Variants in BLTP3A observed in about 807,000 individuals in gnomAD.
BLTP3A encodes the protein ICBP90 binding protein 1.
the BLTP3A span, chr6:34,856,263 G>T: frequency 6.2e-7 from 1 of 1,613,980 alleles, no homozygotes; most frequent in East Asian, 2.2e-5. Flanking sequence ...CATTGGGTAC[G>T]CCACTGTGAG....
chr6:34,821,229 T>C, the BLTP3A span, among the ~76,000 whole-genome samples: 15 of 152,216 alleles, frequency 9.9e-5, no homozygotes, highest in African/African-American at 3.6e-4. Flanking sequence ...GTGCTGGGAT[T>C]ACAGGCGTGA....
the BLTP3A span, chr6:34,855,600 G>C: frequency 6.2e-7 from 1 of 1,612,300 alleles, no homozygotes. Flanking sequence ...CCATTCACCT[G>C]TATTTTTATT....
the BLTP3A span, chr6:34,821,698 G>A: frequency 6.2e-7 from 1 of 1,614,180 alleles, no homozygotes; most frequent in Admixed American, 1.7e-5. Context: ...TGAGCACCCT[G>A]AAAGGGGAGG....
At chr6:34,797,548 C>G in the BLTP3A span, among the ~76,000 whole-genome samples, 1 of 152,150 alleles carries the variant, frequency 6.6e-6, no homozygotes, top group Non-Finnish European at 1.5e-5. Flanking sequence ...GGAAGCTTGT[C>G]GGACTAGTCA....
the BLTP3A span, among the ~76,000 whole-genome samples, chr6:34,804,399 C>T: frequency 6.6e-6 from 1 of 152,150 alleles, no homozygotes; most frequent in Admixed American, 6.6e-5. Context: ...GACAAGGTTT[C>T]TCTTTAAGGA....
At chr6:34,854,625 TGGG>T in the BLTP3A span, among the ~76,000 whole-genome samples, 1 of 152,092 alleles carries the variant, frequency 6.6e-6, no homozygotes, top group Non-Finnish European at 1.5e-5. Flanking sequence ...AAAGCCTACT[TGGG>T]GGGTGATTAT....
At chr6:34,812,839 G>A in the BLTP3A span, among the ~76,000 whole-genome samples, 66 of 152,260 alleles carry the variant, frequency 4.3e-4, 1 homozygote, top group South Asian at 0.014. Context: ...GGGATGAAAT[G>A]GCATTAGCTA....
the BLTP3A span, among the ~76,000 whole-genome samples, chr6:34,864,860 C>T: frequency 2.0e-5 from 3 of 151,832 alleles, no homozygotes; most frequent in South Asian, 4.2e-4. Flanking sequence ...CTCAACTACT[C>T]GGGAGGCTGA....
the BLTP3A span, chr6:34,859,146 G>A: frequency 6.2e-6 from 10 of 1,614,162 alleles, no homozygotes; most frequent in Non-Finnish European, 8.5e-6. Context: ...CAAGCCCTGA[G>A]AAGGTCTTGG....
chr6:34,863,591 C>T, the BLTP3A span, among the ~76,000 whole-genome samples: 3 of 152,214 alleles, frequency 2.0e-5, no homozygotes, highest in East Asian at 1.9e-4. Context: ...TCAATTTATC[C>T]GTCTCCCACT....
At chr6:34,841,211 C>T in the BLTP3A span, among the ~76,000 whole-genome samples, 21 of 152,172 alleles carry the variant, frequency 1.4e-4, no homozygotes, top group East Asian at 3.9e-3. Flanking sequence ...GGATTACAGG[C>T]ACCCACCACC....
chr6:34,859,386 CT>C, the BLTP3A span: 2 of 1,614,178 alleles, frequency 1.2e-6, no homozygotes, highest in Non-Finnish European at 8.5e-7. Context: ...AGCTCATCCC[CT>C]TGAAGAACAT....
the BLTP3A span, chr6:34,855,641 G>A: frequency 6.2e-7 from 1 of 1,613,814 alleles, no homozygotes; most frequent in Non-Finnish European, 8.5e-7. Flanking sequence ...AGACTCATGG[G>A]TGGTGCCATG....
chr6:34,870,938 C>CAGCT, the BLTP3A span: 1 of 1,614,204 alleles, frequency 6.2e-7, no homozygotes, highest in Non-Finnish European at 8.5e-7. Flanking sequence ...GGGCCTGGAG[C>CAGCT]AGCTGTTCAT....
the BLTP3A span, among the ~76,000 whole-genome samples, chr6:34,859,926 A>G: frequency 6.6e-6 from 1 of 152,094 alleles, no homozygotes; most frequent in Non-Finnish European, 1.5e-5. Flanking sequence ...AATTATTGAT[A>G]CAAATATGCT....
chr6:34,829,541 G>A, the BLTP3A span, among the ~76,000 whole-genome samples: 1 of 152,094 alleles, frequency 6.6e-6, no homozygotes, highest in African/African-American at 2.4e-5. Context: ...TGTTACATAT[G>A]TTTGTAGTTC....
the BLTP3A span, chr6:34,859,355 C>G: frequency 2.5e-6 from 4 of 1,614,018 alleles, no homozygotes; most frequent in South Asian, 4.4e-5. Context: ...GGCAGGGAGA[C>G]TGCTGTGAAT....
chr6:34,818,828 C>T, the BLTP3A span, among the ~76,000 whole-genome samples: 7 of 152,088 alleles, frequency 4.6e-5, no homozygotes, highest in African/African-American at 1.7e-4. Flanking sequence ...TGTTAAAGAG[C>T]TGTTTTCATA....
the BLTP3A span, among the ~76,000 whole-genome samples, chr6:34,802,188 TTTA>T: frequency 1.3e-5 from 2 of 152,230 alleles, no homozygotes; most frequent in African/African-American, 4.8e-5. Context: ...TGCCTGCATT[TTTA>T]TTATTTATTA....
Sources: allele counts gnomAD v4.1 joint callset (sites outside exome capture counted in the v4.1 genomes callset), GRCh38; gene constraint gnomAD v4.1.1; transcripts MANE v1.5; gene names NCBI Gene and HGNC (gene_info 2026-07-23, HGNC 2026-07-21).